PDE4D: variants seen among roughly 807,000 people sequenced by gnomAD.
PDE4D encodes 3',5'-cyclic-AMP phosphodiesterase 4D.
A neutral mutation model predicts 87.4 loss-of-function variants in PDE4D; 24 were observed. The observed-to-expected ratio is 0.27, with a 90% CI of 0.20 to 0.39. The LOEUF (loss-of-function observed/expected upper bound fraction) is 0.39. Among genes scored for constraint, PDE4D ranks in the 10% least tolerant of loss-of-function variants. The pLI is 1.00. For synonymous variants in PDE4D, 384 were observed against 383.2 expected, an observed-to-expected ratio of 1.00 and a Z score of -0.02; for missense variants, 714 against 1,041.0, an observed-to-expected ratio of 0.69 and a Z score of 4.32.
chr5:59,256,553 A>T (rs1289630445), intron 1 of PDE4D, among the ~76,000 whole-genome samples: 1 of 152,054 alleles, frequency 6.6e-6, no homozygotes, highest in Admixed American at 6.6e-5. Flanking sequence ...ACTGTTGTCA[A>T]AAAAAATTGG....
chr5:60,207,708 T>C (rs1742713226), intron 1 of PDE4D, among the ~76,000 whole-genome samples: 1 of 152,246 alleles, frequency 6.6e-6, no homozygotes, highest in South Asian at 2.1e-4. Flanking sequence ...TCTAAAAATA[T>C]TCAGTGATGA....
chr5:59,179,511 AAGAAG>A (rs1490182790), intron 5 of PDE4D: 3 of 323,216 alleles, frequency 9.3e-6, no homozygotes, highest in Non-Finnish European at 1.8e-5. Flanking sequence ...GAGAAACATG[AAGAAG>A]AGATCAATAA....
chr5:60,368,084 C>G (rs1357802992), intron 1 of PDE4D, among the ~76,000 whole-genome samples: 1 of 151,964 alleles, frequency 6.6e-6, no homozygotes, highest in Non-Finnish European at 1.5e-5. Context: ...CTGGTTTTGT[C>G]CAAGCTGCAA....
intron 5 of PDE4D, among the ~76,000 whole-genome samples, chr5:59,045,889 T>C (rs1017575162): frequency 1.3e-5 from 2 of 152,242 alleles, no homozygotes; most frequent in African/African-American, 4.8e-5. Flanking sequence ...AAATAACTTA[T>C]AGACCATTTG....
intron 1 of PDE4D, among the ~76,000 whole-genome samples, chr5:59,319,160 ATGTGTGTGTGTGTGTG>A (rs59099367): frequency 2.9e-5 from 4 of 139,670 alleles, no homozygotes; most frequent in African/African-American, 1.0e-4. Flanking sequence ...GTACATATAT[ATGTGTGTGTGTGTGTG>A]TGTGTGTGTG....
chr5:59,579,199 T>C (rs567107069), intron 1 of PDE4D, among the ~76,000 whole-genome samples: 138 of 152,300 alleles, frequency 9.1e-4, no homozygotes, highest in Non-Finnish European at 1.4e-3. Context: ...TGTATATATC[T>C]ATATTAATAT....
intron 6 of PDE4D, among the ~76,000 whole-genome samples, chr5:59,021,989 C>T (rs1030465330): frequency 1.3e-5 from 2 of 152,124 alleles, no homozygotes; most frequent in African/African-American, 4.8e-5. Context: ...GTTGGCCCAC[C>T]ATCCTCTGCT....
chr5:59,167,278 A>G (rs1782057030), intron 5 of PDE4D, among the ~76,000 whole-genome samples: 1 of 152,170 alleles, frequency 6.6e-6, no homozygotes, highest in African/African-American at 2.4e-5. Flanking sequence ...TTTGACTTGT[A>G]TGTCAAAACA....
chr5:60,298,913 A>G (rs1753654045), intron 1 of PDE4D, among the ~76,000 whole-genome samples: 1 of 152,244 alleles, frequency 6.6e-6, no homozygotes, highest in Admixed American at 6.5e-5. Context: ...CGATTCTGTT[A>G]TATTTCAACA....
intron 3 of PDE4D, among the ~76,000 whole-genome samples, chr5:59,957,288 T>A (rs566827569): frequency 1.3e-5 from 2 of 152,274 alleles, no homozygotes; most frequent in South Asian, 4.1e-4. Context: ...TGTTGTCATA[T>A]GAAGGAGCCA....
chr5:59,756,733 T>C (rs959619179), intron 1 of PDE4D, among the ~76,000 whole-genome samples: 2 of 152,040 alleles, frequency 1.3e-5, no homozygotes, highest in African/African-American at 2.4e-5. Flanking sequence ...AAACAACTAT[T>C]TATTGAATGT....
intron 1 of PDE4D, among the ~76,000 whole-genome samples, chr5:60,230,202 G>A (rs80264303): frequency 0.027 from 4,138 of 152,186 alleles, 205 homozygotes; most frequent in African/African-American, 0.094. Context: ...TGATTTTAAA[G>A]TGAGAAACTA....
chr5:59,231,449 T>C (rs1755167344), intron 1 of PDE4D, among the ~76,000 whole-genome samples: 1 of 152,162 alleles, frequency 6.6e-6, no homozygotes, highest in Non-Finnish European at 1.5e-5. Flanking sequence ...GTTCTTTTTC[T>C]GCCAGCTGGA....
chr5:60,391,291 G>A (rs144487769), intron 1 of PDE4D, among the ~76,000 whole-genome samples: 1 of 152,298 alleles, frequency 6.6e-6, no homozygotes, highest in East Asian at 1.9e-4. Flanking sequence ...TGCTCTGAAG[G>A]TAGATAGCTA....
rs936771936 is a variant in PDE4D at position 60,481,409 on chromosome 5, C to G, written c.-90+6533G>C. ...ATACTTTTGTTGATCCCTAGAAGTT[C>G]AGAGTGGAGAAAAATCTTCTAGCTT... On this transcript the variant is annotated intron_variant, in intron 1 of 16. Coordinates refer to the PDE4D transcript ENST00000502484. 2.6e-5 allele frequency among the ~76,000 whole-genome samples: 4 copies of G among 152,000 alleles called. No homozygotes were observed. In the East Asian group the frequency reaches 7.7e-4, roughly 29 times the overall value.
intron 1 of PDE4D, among the ~76,000 whole-genome samples, chr5:59,724,884 C>T (rs949264620): frequency 3.9e-5 from 6 of 152,088 alleles, no homozygotes; most frequent in Admixed American, 3.9e-4. Context: ...ATTAAATTGC[C>T]ATTTATGACT....
chr5:60,317,743 G>A (rs1473816057), intron 1 of PDE4D, among the ~76,000 whole-genome samples: 1 of 152,096 alleles, frequency 6.6e-6, no homozygotes, highest in Non-Finnish European at 1.5e-5. Context: ...ATTTCATTAT[G>A]TACCCATTAG....
chr5:60,193,531 G>A (rs1014180236), intron 1 of PDE4D, among the ~76,000 whole-genome samples: 1 of 151,348 alleles, frequency 6.6e-6, no homozygotes, highest in Admixed American at 6.6e-5. Context: ...TTAGCCGGGC[G>A]AGGTGGCGGG....
chr5:60,174,617 A>G (rs1783759049), intron 2 of PDE4D, among the ~76,000 whole-genome samples: 1 of 152,092 alleles, frequency 6.6e-6, no homozygotes, highest in East Asian at 1.9e-4. Flanking sequence ...CAGAATAGGA[A>G]CCTAAAAAGT....
Sources: gnomAD v4.1 joint callset for allele counts (sites outside exome capture counted in the v4.1 genomes callset) on GRCh38, gnomAD v4.1.1 for gene constraint, MANE v1.5 for transcripts, NCBI Gene and HGNC (gene_info 2026-07-23, HGNC 2026-07-21) for gene names.